The following KAZN variants were observed in gnomAD, a reference collection of about 807,000 sequenced individuals.
The protein encoded by KAZN is kazrin, periplakin interacting protein.
A neutral mutation model predicts 87.4 loss-of-function variants in KAZN; 40 were observed. The observed-to-expected ratio is 0.46, with a 90% CI of 0.36 to 0.60. KAZN has a LOEUF of 0.60. Ranked by LOEUF, KAZN falls within the 20% of genes least tolerant of loss-of-function variation. The pLI, the probability that KAZN is intolerant of heterozygous loss-of-function variation, is 0.00. For missense variants in KAZN, 898 were observed against 1,073.9 expected (o/e 0.84, Z 2.29); for synonymous variants, 466 against 458.3 (o/e 1.02, Z -0.22).
intron 2 of KAZN, among the ~76,000 whole-genome samples, chr1:14,588,980 C>T (rs10733136): frequency 0.71 from 107,236 of 151,952 alleles, 38,958 homozygotes; most frequent in Non-Finnish European, 0.8. Context: ...GAGTTTGGGG[C>T]CATGGGCACG....
chr1:14,205,971 T>G (rs1388812181), intron 2 of KAZN, among the ~76,000 whole-genome samples: 1 of 149,036 alleles, frequency 6.7e-6, no homozygotes, highest in Non-Finnish European at 1.5e-5. Context: ...TGTATACATA[T>G]GTAAGAAGCC....
rs1641213079 is a variant in KAZN at position 14,029,154 on chromosome 1, A to G, written c.91+135398A>G. Among the ~76,000 whole-genome samples, 4 of 125,934 alleles carry G rather than the reference A, an allele frequency of 3.2e-5. No individual in the cohort carries two copies. In the South Asian group the frequency reaches 1.2e-3, roughly 38 times the overall value. 82.6% of individuals were successfully genotyped at this position (125,934 alleles called of 152,430 possible). A position where few individuals can be genotyped will look rare whatever the true frequency, so the allele number is the denominator to read the frequency against. Reference sequence around the variant, plus strand: ...GCACCTGTTGTTTCCTGACTTTTTAATGATTGCCATTCTAACTGGTGTGAG... The same window carrying G: ...GCACCTGTTGTTTCCTGACTTTTTAGTGATTGCCATTCTAACTGGTGTGAG... On this transcript the variant is annotated intron_variant, in intron 1 of 16. Transcript: ENST00000636203.
chr1:14,348,018 G>C (rs1163324217), intron 2 of KAZN, among the ~76,000 whole-genome samples: 1 of 148,634 alleles, frequency 6.7e-6, no homozygotes, highest in Non-Finnish European at 1.5e-5. Flanking sequence ...CCTGAGAGCT[G>C]GGACTACAGG....
chr1:14,268,483 AAAGG>A (rs1651670372), intron 2 of KAZN, among the ~76,000 whole-genome samples: 2 of 151,976 alleles, frequency 1.3e-5, no homozygotes, highest in Non-Finnish European at 2.9e-5. Context: ...AAAAAAAAAA[AAAGG>A]AAAAGAAACT....
At chr1:13,984,808 A>G (rs1475909509) in intron 1 of KAZN, among the ~76,000 whole-genome samples, 3 of 152,242 alleles carry the variant, frequency 2.0e-5, no homozygotes, top group Non-Finnish European at 2.9e-5. Flanking sequence ...TACCATATAC[A>G]TAATTCATGT....
At chr1:15,048,582 C>T (rs906781769) in intron 4 of KAZN, among the ~76,000 whole-genome samples, 8 of 151,724 alleles carry the variant, frequency 5.3e-5, no homozygotes, top group Admixed American at 5.2e-4. Context: ...GATCCTTGGT[C>T]GTTGGTCCTG....
intron 2 of KAZN, among the ~76,000 whole-genome samples, chr1:14,414,716 G>A (rs1664605695): frequency 6.6e-6 from 1 of 152,128 alleles, no homozygotes; most frequent in African/African-American, 2.4e-5. Context: ...AGAGTTGGAG[G>A]AGAATAAGAT....
intron 1 of KAZN, among the ~76,000 whole-genome samples, chr1:13,962,327 T>C (rs1037328505): frequency 1.3e-5 from 2 of 152,050 alleles, no homozygotes; most frequent in Non-Finnish European, 2.9e-5. Flanking sequence ...AACAATACCT[T>C]GTCCCTATCT....
intron 2 of KAZN, among the ~76,000 whole-genome samples, chr1:14,267,430 A>G (rs1651576923): frequency 6.6e-6 from 1 of 151,900 alleles, no homozygotes; most frequent in African/African-American, 2.4e-5. Flanking sequence ...GTTGGGCCAC[A>G]TTCAAAGCAA....
At chr1:14,446,599 C>T (rs540769625) in intron 2 of KAZN, among the ~76,000 whole-genome samples, 8 of 152,302 alleles carry the variant, frequency 5.3e-5, no homozygotes, top group Non-Finnish European at 1.0e-4. Context: ...TCTCAGTCAC[C>T]TATCTCACTC....
At chr1:14,195,772 A>C (rs1646514493) in intron 2 of KAZN, among the ~76,000 whole-genome samples, 1 of 152,160 alleles carries the variant, frequency 6.6e-6, no homozygotes, top group Admixed American at 6.5e-5. Context: ...CTACTGATTG[A>C]GTTCCTGCTG....
At chr1:14,061,032 G>C (rs747298342) in intron 1 of KAZN, among the ~76,000 whole-genome samples, 24 of 152,220 alleles carry the variant, frequency 1.6e-4, no homozygotes, top group Admixed American at 1.3e-3. Context: ...CAAACTTTGT[G>C]TAAACTTTTC....
intron 1 of KAZN, among the ~76,000 whole-genome samples, chr1:14,647,923 C>G (rs1680928938): frequency 6.6e-6 from 1 of 152,166 alleles, no homozygotes; most frequent in African/African-American, 2.4e-5. Flanking sequence ...CCATTCGTTT[C>G]CTGTCTCTTC....
At chr1:14,692,516 G>A (rs779167462) in intron 1 of KAZN, 68 of 175,960 alleles carry the variant, frequency 3.9e-4, no homozygotes, top group Admixed American at 5.7e-4. Context: ...CTCCGTATGG[G>A]TCTCGTGGTG....
At chr1:15,102,212 T>C (rs1332971136) in intron 11 of KAZN, among the ~76,000 whole-genome samples, 1 of 151,736 alleles carries the variant, frequency 6.6e-6, no homozygotes, top group Admixed American at 6.6e-5. Context: ...CCCACAAAAA[T>C]TAAAATAAAA....
chr1:14,556,350 C>T (rs1434699729), intron 2 of KAZN, among the ~76,000 whole-genome samples: 2 of 152,096 alleles, frequency 1.3e-5, no homozygotes, highest in East Asian at 3.9e-4. Flanking sequence ...ACCTCGTGAT[C>T]CACACGCCTC....
chr1:14,463,828 G>T (rs956745714), intron 2 of KAZN, among the ~76,000 whole-genome samples: 1 of 152,112 alleles, frequency 6.6e-6, no homozygotes, highest in African/African-American at 2.4e-5. Context: ...AAAAAGTCCT[G>T]CTACTCTCAA....
At chr1:14,609,279 C>T (rs936878127) in intron 1 of KAZN, among the ~76,000 whole-genome samples, 5 of 152,150 alleles carry the variant, frequency 3.3e-5, no homozygotes, top group Non-Finnish European at 7.4e-5. Flanking sequence ...AGCCTGTTCT[C>T]GGGCAAACAT....
intron 1 of KAZN, among the ~76,000 whole-genome samples, chr1:14,822,837 A>G (rs902104665): frequency 5.3e-5 from 8 of 152,014 alleles, no homozygotes; most frequent in Admixed American, 5.2e-4. Flanking sequence ...ACAGGGCTGC[A>G]TCTAATCCTA....
Sources: gnomAD v4.1 joint callset for allele counts (sites outside exome capture counted in the v4.1 genomes callset) on GRCh38, gnomAD v4.1.1 for gene constraint, MANE v1.5 for transcripts, NCBI Gene and HGNC (gene_info 2026-07-23, HGNC 2026-07-21) for gene names.